The following PRKCE variants were observed in gnomAD, a reference collection of about 807,000 sequenced individuals.
PRKCE encodes the protein protein kinase C epsilon type.
A neutral mutation model predicts 85.4 loss-of-function variants in PRKCE; 16 were observed. The ratio of observed to expected loss-of-function variants is 0.19; its 90% CI spans 0.13 to 0.28. PRKCE has a LOEUF of 0.28. Among genes scored for constraint, PRKCE ranks in the 10% least tolerant of loss-of-function variants. PRKCE has a pLI of 1.00. For synonymous variants in PRKCE, 388 were observed against 371.5 expected (o/e 1.04, Z -0.51); for missense variants, 573 against 975.2 (o/e 0.59, Z 5.49).
At position 45,825,838 on chromosome 2, in the gene PRKCE, T is replaced by C. The variant is rs112951340; in HGVS notation, c.349-17162T>C. Among the ~76,000 whole-genome samples the C allele has an allele frequency of 4.1e-4, 63 of 152,248 alleles. 1 individual carries two copies. The highest frequency in any genetic ancestry group is 1.3e-3 in the African/African-American group (55 of 41,532). ...AGGAGTTAGAAGCTGCAGTGAGCTA[T>C]GATCATACCACTGCTTTCCAGCCTG... On this transcript the variant is annotated intron_variant, in intron 1 of 14. Transcript: ENST00000306156.
At chr2:45,661,017 A>G (rs1432601857) in intron 1 of PRKCE, among the ~76,000 whole-genome samples, 1 of 152,220 alleles carries the variant, frequency 6.6e-6, no homozygotes, top group Non-Finnish European at 1.5e-5. Context: ...AGATGCTGAA[A>G]TGAGGATCTC....
intron 1 of PRKCE, among the ~76,000 whole-genome samples, chr2:45,836,543 T>C (rs1166823291): frequency 6.6e-6 from 1 of 152,216 alleles, no homozygotes; most frequent in Non-Finnish European, 1.5e-5. Flanking sequence ...TGCCTGAATG[T>C]CCCCTGCTCT....
In PRKCE at chr2:46,047,534, C is replaced by T. The variant is rs553009163; in HGVS notation, c.1437+37017C>T. On this transcript the variant is annotated intron_variant, in intron 10 of 14. Coordinates refer to ENST00000306156, the MANE Select transcript of PRKCE (RefSeq NM_005400.3). ...GGAAGGAGGCCTTTACTTGGCACAT[C>T]CTGTGTAACTTGAGGAGTTGGAGAT... Among the ~76,000 whole-genome samples, 326 of 152,262 alleles carry T rather than the reference C, an allele frequency of 2.1e-3. 1 individual carries two copies. The highest frequency in any genetic ancestry group is 6.3e-3 in the African/African-American group (261 of 41,550).
chr2:45,811,858 A>AAAAATTGT (rs1175974837), intron 1 of PRKCE, among the ~76,000 whole-genome samples: 2 of 152,240 alleles, frequency 1.3e-5, no homozygotes, highest in Non-Finnish European at 2.9e-5. Context: ...AATATTAAAT[A>AAAAATTGT]AAAATTGTAA....
intron 11 of PRKCE, among the ~76,000 whole-genome samples, chr2:46,101,310 A>G (rs764992734): frequency 1.3e-5 from 2 of 152,236 alleles, no homozygotes; most frequent in African/African-American, 2.4e-5. Context: ...CCAGGGAAAC[A>G]CATTACAGGG....
intron 12 of PRKCE, among the ~76,000 whole-genome samples, chr2:46,149,631 A>G (rs1676408813): frequency 6.6e-6 from 1 of 151,096 alleles, no homozygotes; most frequent in East Asian, 1.9e-4. Flanking sequence ...ACTGTAAAAT[A>G]CAAAGCTCTA....
intron 1 of PRKCE, among the ~76,000 whole-genome samples, chr2:45,802,215 T>C (rs1384977519): frequency 2.0e-5 from 3 of 152,052 alleles, no homozygotes; most frequent in Non-Finnish European, 2.9e-5. Context: ...CAGTGAGCTA[T>C]GATCACACTC....
chr2:45,818,632 C>A (rs1363457899), intron 1 of PRKCE, among the ~76,000 whole-genome samples: 1 of 152,202 alleles, frequency 6.6e-6, no homozygotes, highest in Non-Finnish European at 1.5e-5. Context: ...CTAGGCCAGC[C>A]CTTTGAGCTG....
At chr2:45,929,975 T>C (rs140218724) in intron 2 of PRKCE, among the ~76,000 whole-genome samples, 27 of 152,226 alleles carry the variant, frequency 1.8e-4, no homozygotes, top group Non-Finnish European at 3.8e-4. Context: ...AAATATATGC[T>C]TATTGAGTAA....
chr2:46,109,016 G>A (rs931439315), intron 11 of PRKCE, among the ~76,000 whole-genome samples: 2 of 151,764 alleles, frequency 1.3e-5, no homozygotes, highest in Admixed American at 6.6e-5. Flanking sequence ...CTGTATTTGA[G>A]TCTATTTTGA....
chr2:46,023,260 CT>C (rs1484243649), intron 10 of PRKCE, among the ~76,000 whole-genome samples: 3 of 152,160 alleles, frequency 2.0e-5, no homozygotes, highest in African/African-American at 7.2e-5. Flanking sequence ...GGTTTGACCC[CT>C]GGCACACTCA....
chr2:45,789,247 G>A (rs1686850832), intron 1 of PRKCE, among the ~76,000 whole-genome samples: 1 of 152,052 alleles, frequency 6.6e-6, no homozygotes, highest in South Asian at 2.1e-4. Flanking sequence ...AAAAGAAAAG[G>A]TGCCTCTGGA....
At chr2:45,850,090 C>A (rs1183753581) in intron 2 of PRKCE, among the ~76,000 whole-genome samples, 1 of 152,206 alleles carries the variant, frequency 6.6e-6, no homozygotes, top group East Asian at 1.9e-4. Flanking sequence ...AAATGAATCA[C>A]CCATGGTTAA....
At chr2:45,985,689 C>G (rs549232806) in intron 6 of PRKCE, among the ~76,000 whole-genome samples, 2 of 152,148 alleles carry the variant, frequency 1.3e-5, no homozygotes, top group South Asian at 2.1e-4. Context: ...TTTAATATAT[C>G]AAGGAGGAAT....
chr2:46,170,873 G>A (rs77307849), intron 14 of PRKCE, among the ~76,000 whole-genome samples: 2 of 152,176 alleles, frequency 1.3e-5, no homozygotes, highest in Non-Finnish European at 2.9e-5. Context: ...CTAAATAAGT[G>A]GGGGAGAGAT....
intron 11 of PRKCE, among the ~76,000 whole-genome samples, chr2:46,100,686 G>A (rs1671122468): frequency 1.3e-5 from 2 of 152,334 alleles, no homozygotes; most frequent in African/African-American, 4.8e-5. Context: ...AAAAATATCT[G>A]TTGTTTGAAG....
At chr2:45,721,465 G>A (rs539686705) in intron 1 of PRKCE, among the ~76,000 whole-genome samples, 2 of 152,286 alleles carry the variant, frequency 1.3e-5, no homozygotes, top group African/African-American at 2.4e-5. Context: ...ATTCTCAGAC[G>A]GATGGGGCTA....
intron 2 of PRKCE, among the ~76,000 whole-genome samples, chr2:45,870,661 G>A (rs770625373): frequency 6.6e-6 from 1 of 152,168 alleles, no homozygotes; most frequent in Non-Finnish European, 1.5e-5. Flanking sequence ...AGAGCCTCGT[G>A]GTCAAGGGTG....
At chr2:46,051,864 C>T (rs1027955276) in intron 10 of PRKCE, among the ~76,000 whole-genome samples, 1 of 152,136 alleles carries the variant, frequency 6.6e-6, no homozygotes, top group African/African-American at 2.4e-5. Context: ...CGGAAGGCAC[C>T]TCTTCAGAGG....
Sources: allele counts gnomAD v4.1 joint callset (sites outside exome capture counted in the v4.1 genomes callset), GRCh38; gene constraint gnomAD v4.1.1; transcripts MANE v1.5; gene names NCBI Gene and HGNC (gene_info 2026-07-23, HGNC 2026-07-21).